The following POLN variants were observed in gnomAD, a reference collection of about 807,000 sequenced individuals.
The protein encoded by POLN is DNA polymerase nu.
POLN carries 108 observed loss-of-function variants against 113.5 expected under a neutral mutation model. That is an observed-to-expected ratio of 0.95 (90% CI 0.81 to 1.12). The LOEUF (loss-of-function observed/expected upper bound fraction) is 1.12. POLN is among the 50% of genes most tolerant of loss of function. The pLI, the probability that POLN is intolerant of heterozygous loss-of-function variation, is 0.00. For missense variants in POLN, 1,097 were observed against 1,077.1 expected (o/e 1.02, Z -0.26); for synonymous variants, 386 against 391.5 (o/e 0.99, Z 0.17).
intron 4 of POLN, among the ~76,000 whole-genome samples, chr4:2,209,660 T>TTTA (rs1191823499): frequency 7.1e-6 from 1 of 140,060 alleles, no homozygotes; most frequent in Non-Finnish European, 1.5e-5. Context: ...CCTTTTCCTT[T>TTTA]TTTTTTTTTT....
Position 2,162,396 on chromosome 4 carries a change from C to T in POLN, c.1555-3185G>A, listed in dbSNP as rs573159130. On this transcript the variant is annotated intron_variant, in intron 13 of 25. Transcript: ENST00000511885. ...AGAAGGAAGAAACTCCAAACACATC[C>T]GAACATCAGAAGGAACAAACTCCAG... Among the ~76,000 whole-genome samples, 4 of 152,214 alleles carry T rather than the reference C, an allele frequency of 2.6e-5. No homozygotes were observed. In the South Asian group the frequency reaches 6.2e-4, roughly 24 times the overall value.
At chr4:2,171,861 A>G (rs1732869914) in intron 11 of POLN, among the ~76,000 whole-genome samples, 1 of 152,200 alleles carries the variant, frequency 6.6e-6, no homozygotes, top group South Asian at 2.1e-4. Flanking sequence ...AAAGGTAAGA[A>G]AACAAACTTA....
intron 3 of POLN, among the ~76,000 whole-genome samples, chr4:2,216,440 C>T (rs137940463): frequency 1.3e-5 from 2 of 152,166 alleles, no homozygotes; most frequent in Non-Finnish European, 2.9e-5. Flanking sequence ...CAGACTGCAC[C>T]CTGGAGGTGA....
chr4:2,104,159 T>A (rs1002300454), intron 19 of POLN, among the ~76,000 whole-genome samples: 1 of 152,166 alleles, frequency 6.6e-6, no homozygotes, highest in Non-Finnish European at 1.5e-5. Flanking sequence ...ATAAAACAAC[T>A]AGAAAACAAT....
At position 2,181,783 on chromosome 4, in the gene POLN, G is replaced by A. The variant is rs935434949; in HGVS notation, c.1022-2318C>T. Among the ~76,000 whole-genome samples, 13 of 152,034 alleles carry A rather than the reference G, an allele frequency of 8.6e-5. 1 individual carries two copies. The highest frequency in any genetic ancestry group is 1.9e-4 in the Non-Finnish European group (13 of 68,000). On this transcript the variant is annotated intron_variant, in intron 7 of 25. Transcript: ENST00000511885. ...CACGAGGTCAGGAGAGGCAGATCAC[G>A]AGGTCAGGAGATTGAGCCCATCTTG...
intron 23 of POLN, chr4:2,080,053 T>C: frequency 1.0e-6 from 1 of 983,720 alleles, no homozygotes; most frequent in African/African-American, 1.8e-5. Flanking sequence ...AGGGTGGGGG[T>C]GGGAAAACGT....
At chr4:2,158,196 C>T (rs906556072) in intron 14 of POLN, among the ~76,000 whole-genome samples, 2 of 152,158 alleles carry the variant, frequency 1.3e-5, no homozygotes, top group Non-Finnish European at 2.9e-5. Flanking sequence ...AGGTGATCCG[C>T]CCACCTCAGC....
chr4:2,116,355 C>G (rs1215812564), intron 19 of POLN, among the ~76,000 whole-genome samples: 1 of 152,108 alleles, frequency 6.6e-6, no homozygotes, highest in Non-Finnish European at 1.5e-5. Flanking sequence ...TGAGAAAATC[C>G]ATGGTTTTTT....
rs766879366 is a variant in POLN at position 2,081,539 on chromosome 4, C to T, written c.2308+94G>A. On this transcript the variant is annotated intron_variant, in intron 22 of 25. Transcript: ENST00000511885. Reference sequence around the variant, plus strand: ...GAGGTTTGTGATGAGCAGGAAATACCGCAACAGTGATCGGTGGGTGCCACC... The same window carrying T: ...GAGGTTTGTGATGAGCAGGAAATACTGCAACAGTGATCGGTGGGTGCCACC... 57 of 1,203,054 alleles carry T rather than the reference C, an allele frequency of 4.7e-5. 1 individual carries two copies. The highest frequency in any genetic ancestry group is 1.8e-4 in the South Asian group (14 of 75,970). 74.5% of individuals were successfully genotyped at this position (1,203,054 alleles called of 1,614,324 possible). A position where few individuals can be genotyped will look rare whatever the true frequency, so the allele number is the denominator to read the frequency against.
intron 16 of POLN, among the ~76,000 whole-genome samples, chr4:2,134,862 ATGAG>A (rs1213649078): frequency 6.6e-6 from 1 of 152,226 alleles, no homozygotes; most frequent in Non-Finnish European, 1.5e-5. Context: ...TGTTTACTGA[ATGAG>A]TGAGACAGAG....
intron 19 of POLN, among the ~76,000 whole-genome samples, chr4:2,105,398 C>A (rs1402081052): frequency 6.6e-6 from 1 of 152,096 alleles, no homozygotes; most frequent in African/African-American, 2.4e-5. Flanking sequence ...TTGCTGAAAA[C>A]CATCCAACAG....
At chr4:2,148,629 G>A (rs1044103552) in intron 16 of POLN, among the ~76,000 whole-genome samples, 3 of 151,592 alleles carry the variant, frequency 2.0e-5, no homozygotes, top group African/African-American at 4.8e-5. Flanking sequence ...ATTGCACCAC[G>A]GCACTCCAGC....
intron 18 of POLN, 39 bp downstream of exon 18, chr4:2,129,140 A>G (rs559310121): frequency 1.4e-6 from 2 of 1,416,530 alleles, no homozygotes; most frequent in Admixed American, 1.7e-5. Flanking sequence ...AAACCTTTGA[A>G]CCCTATGAAA....
intron 6 of POLN, among the ~76,000 whole-genome samples, chr4:2,195,236 T>C (rs572474158): frequency 4.6e-5 from 7 of 152,210 alleles, no homozygotes; most frequent in African/African-American, 1.2e-4. Context: ...ATGTATTAAT[T>C]TGATTGTCCT....
chr4:2,148,441 G>C (rs1203433541), intron 16 of POLN, among the ~76,000 whole-genome samples: 1 of 152,102 alleles, frequency 6.6e-6, no homozygotes. Flanking sequence ...GGCCGACGCG[G>C]GTAGATTACA....
chr4:2,081,166 C>G, intron 22 of POLN, 130 bp from the exon 23 acceptor site: 2 of 1,595,698 alleles, frequency 1.3e-6, no homozygotes, highest in Non-Finnish European at 1.7e-6. Context: ...TGTCTGAGTG[C>G]CAGGGCCACA....
chr4:2,138,345 G>A (rs548633460), intron 16 of POLN, among the ~76,000 whole-genome samples: 1 of 152,342 alleles, frequency 6.6e-6, no homozygotes, highest in Non-Finnish European at 1.5e-5. Context: ...AGCCACTGGA[G>A]ACTTTAGGGA....
intron 20 of POLN, among the ~76,000 whole-genome samples, chr4:2,092,301 G>A (rs3117816): frequency 0.84 from 127,714 of 152,234 alleles, 54,163 homozygotes; most frequent in Non-Finnish European, 0.9. Flanking sequence ...AAGACCCAAG[G>A]ATTTGACTCT....
intron 5 of POLN, among the ~76,000 whole-genome samples, chr4:2,206,141 A>G (rs1329440918): frequency 1.3e-5 from 2 of 152,164 alleles, no homozygotes; most frequent in African/African-American, 4.8e-5. Flanking sequence ...ACAAAAACAT[A>G]AAGTGGGGAA....
Sources: allele counts gnomAD v4.1 joint callset (sites outside exome capture counted in the v4.1 genomes callset), GRCh38; gene constraint gnomAD v4.1.1; transcripts MANE v1.5; gene names NCBI Gene and HGNC (gene_info 2026-07-23, HGNC 2026-07-21).